IGSF22: variants seen among roughly 807,000 people sequenced by gnomAD.
IGSF22 encodes the protein immunoglobulin superfamily, member 22.
In IGSF22, 119 loss-of-function variants were observed where a neutral mutation model predicts 127.0. That is an observed-to-expected ratio of 0.94 (90% confidence interval 0.81 to 1.09). The LOEUF (loss-of-function observed/expected upper bound fraction) is 1.09, where lower values mean the gene tolerates loss of function less well. Ranked by LOEUF, IGSF22 falls within the 50% of genes least tolerant of loss-of-function variation. The pLI is 0.00. For synonymous variants in IGSF22, 568 were observed against 664.7 expected (o/e 0.85, Z 2.24); for missense variants, 1,518 against 1,716.6 (o/e 0.88, Z 2.04).
Position 18,709,124 on chromosome 11 carries a change from A to C in IGSF22, c.2998+263T>G, listed in dbSNP as rs1848301970. On this transcript the variant is annotated intron_variant, in intron 18 of 22. Coordinates refer to ENST00000513874, the MANE Select transcript of IGSF22 (RefSeq NM_173588.4). The surrounding 1 kb of genome is among the most constrained non-coding windows in gnomAD (Gnocchi z 4.8). ...TTGTTGCAATGCTGTGGTCTCAGTG[A>C]ACTGGTTTTGCGTGTACAATGCGCA... Among the ~76,000 whole-genome samples, 2 of 152,160 alleles carry C rather than the reference A, an allele frequency of 1.3e-5. No individual in the cohort carries two copies. The highest frequency in any genetic ancestry group is 2.9e-5 in the Non-Finnish European group (2 of 68,032).
rs772099749 is a variant in IGSF22 at position 18,718,093 on chromosome 11, C to T, written c.811G>A (p.Gly271Ser). The change falls in exon 9 of 23, where the codon GGT (glycine) becomes AGT (serine). Residue 271 changes from glycine to serine, a missense_variant and splice_region_variant. Gly to Ser is a moderately conservative substitution (Grantham distance 56). Transcript: ENST00000513874. ...DPNVKMIWIK[G>S]TEPLRIQYSL... ...TACTGGATCCTCAGTGGCTCAGTAC[C>T]CTGCCTCATGGAACAGGTAGGAAAG... 10 of 1,613,150 alleles carry T rather than the reference C, an allele frequency of 6.2e-6. No homozygotes were observed. Among genetic ancestry groups the T allele is most frequent in the Non-Finnish European group, 6.8e-6 (8 of 1,179,480 alleles).
At chr11:18,713,154 T>C (rs1848388686) in intron 14 of IGSF22, among the ~76,000 whole-genome samples, 1 of 144,340 alleles carries the variant, frequency 6.9e-6, no homozygotes, top group Non-Finnish European at 1.5e-5. Flanking sequence ...GTTGTTTCTT[T>C]TTTTTTTTTT....
Position 18,707,512 on chromosome 11 carries a change from C to T in IGSF22, c.3280+292G>A, listed in dbSNP as rs1590435245. The T allele has an allele frequency of 5.7e-6, 3 of 524,022 alleles. No individual in the cohort carries two copies. In the East Asian group the frequency reaches 9.0e-5, roughly 16 times the overall value. The allele number at this position is 524,022 out of a possible 1,614,324, so 32.5% of individuals were successfully genotyped here. A position where few individuals can be genotyped will look rare whatever the true frequency, so the allele number is the denominator to read the frequency against. ...AGTTACTGTTCAGTAAAAATGAATC[C>T]ATTCCTTCCTTGGGGGTTTAGAGCT... On this transcript the variant is annotated intron_variant, in intron 20 of 22. Coordinates refer to ENST00000513874, the MANE Select transcript of IGSF22 (RefSeq NM_173588.4).
At chr11:18,711,908 T>C (rs931885011) in intron 15 of IGSF22, among the ~76,000 whole-genome samples, 174 bp downstream of exon 15, 4 of 152,216 alleles carry the variant, frequency 2.6e-5, no homozygotes, top group African/African-American at 9.6e-5. Context: ...CTGGACAACG[T>C]TGACAATTCC....
intron 20 of IGSF22, among the ~76,000 whole-genome samples, 192 bp downstream of exon 20, chr11:18,707,612 G>T (rs1007011434): frequency 2.6e-5 from 4 of 152,072 alleles, no homozygotes; most frequent in Non-Finnish European, 4.4e-5. Context: ...TGTCCCTCCT[G>T]CCCCTCCACC....
Position 18,713,961 on chromosome 11 carries a change from C to G in IGSF22, c.1986G>C (p.Gln662His), listed in dbSNP as rs145425444. Residue 662 changes from glutamine to histidine, a missense_variant, in exon 14 of 23, where the codon CAG becomes CAC. Gln to His is a conservative substitution (Grantham distance 24). Coordinates refer to ENST00000513874, the MANE Select transcript of IGSF22 (RefSeq NM_173588.4). ...ERVSMERGED[Q>H]ALLTISNCVR... ...CACAGTTGGAGATGGTGAGCAGTGC[C>G]TGGTCTTCCCCGCGCTCCATGGACA... 148 of 1,614,256 alleles carry G rather than the reference C, an allele frequency of 9.2e-5. No individual in the cohort carries two copies. In the East Asian group the frequency reaches 3.3e-3, roughly 36 times the overall value.
At chr11:18,712,405 C>T (rs1564870671) in intron 14 of IGSF22, 21 bp from the exon 15 acceptor site, 3 of 1,534,534 alleles carry the variant, frequency 2.0e-6, no homozygotes, top group Middle Eastern at 1.7e-4. Context: ...AGAACAGCTT[C>T]AGAATGGGGC....
In IGSF22 at chr11:18,716,313, C is replaced by G. The variant is rs539401086; in HGVS notation, c.1246+415G>C. ...TGATGATTCCATGTGATATAGATTC[C>G]AGGTGCGGTTCAGATGTGTGACATG... On this transcript the variant is annotated intron_variant, in intron 10 of 22. Coordinates refer to ENST00000513874, the MANE Select transcript of IGSF22 (RefSeq NM_173588.4). The surrounding 1 kb of genome is among the most constrained non-coding windows in gnomAD (Gnocchi z 4.5). 2.0e-5 allele frequency among the ~76,000 whole-genome samples: 3 copies of G among 152,262 alleles called. No homozygotes were observed. In the South Asian group the frequency reaches 6.2e-4, roughly 32 times the overall value.
In IGSF22 at chr11:18,715,329, C is replaced by T. The variant is rs1848441434; in HGVS notation, c.1531+103G>A. ...GGAGACACAAGTTGGTCATGGTCTA[C>T]AGGAGGGTTGGAGTTAGTGGGAGGG... On this transcript the variant is annotated intron_variant, in intron 11 of 22. Coordinates refer to ENST00000513874, the MANE Select transcript of IGSF22 (RefSeq NM_173588.4). 26 of 1,216,318 alleles carry T rather than the reference C, an allele frequency of 2.1e-5. No homozygotes were observed. In the Admixed American group the frequency reaches 3.6e-4, roughly 17 times the overall value. The allele number at this position is 1,216,318 out of a possible 1,614,324, so 75.3% of individuals were successfully genotyped here.
Position 18,724,268 on chromosome 11 carries a change from G to C in IGSF22, c.-32C>G, listed in dbSNP as rs915350363. ...AGCAGGCGTGGGCACTCACCTGTGA[G>C]ACTGGGGAAGAGGATGAGGCCATGA... On this transcript the variant is annotated splice_region_variant and 5_prime_UTR_variant, in exon 2 of 23. Transcript: ENST00000513874. 6.7e-7 allele frequency: 1 copy of C among 1,502,686 alleles called. No homozygotes were observed. 93.1% of individuals were successfully genotyped at this position (1,502,686 alleles called of 1,614,324 possible). A position where few individuals can be genotyped will look rare whatever the true frequency, so the allele number is the denominator to read the frequency against.
chr11:18,715,558 C>T lies in IGSF22; in HGVS notation c.1405G>A (p.Glu469Lys), dbSNP rs760228826. Residue 469 changes from glutamate (E) to lysine (K), a missense_variant, in exon 11 of 23, where the codon GAG (glutamate) becomes AAG (lysine). By Grantham distance (56) the Glu-to-Lys change is moderately conservative. Coordinates refer to ENST00000513874, the MANE Select transcript of IGSF22 (RefSeq NM_173588.4). ...MHGTKYSMNHEGKRAELIIED... is the reference protein window; with the variant it reads ...MHGTKYSMNHKGKRAELIIED... Reference sequence around the variant, plus strand: ...ATGATCAGCTCTGCTCGCTTGCCCTCATGGTTCATGCTGTACTTAGTGCCA... The same window carrying T: ...ATGATCAGCTCTGCTCGCTTGCCCTTATGGTTCATGCTGTACTTAGTGCCA... 5 of 1,614,088 alleles carry T rather than the reference C, an allele frequency of 3.1e-6. No homozygotes were observed. The highest frequency in any genetic ancestry group is 4.2e-6 in the Non-Finnish European group (5 of 1,180,004).
chr11:18,718,560 G>A, intron 8 of IGSF22, 55 bp downstream of exon 8: 1 of 948,440 alleles, frequency 1.1e-6, no homozygotes, highest in South Asian at 1.3e-5. Flanking sequence ...AGTGAGAGAA[G>A]GGGGTAGAGA....
intron 18 of IGSF22, among the ~76,000 whole-genome samples, chr11:18,708,847 T>G (rs1848296894): frequency 6.6e-6 from 1 of 152,188 alleles, no homozygotes; most frequent in South Asian, 2.1e-4. Flanking sequence ...ATCACAAGAT[T>G]TGCAACTCCC....
Position 18,710,658 on chromosome 11 carries a change from G to A in IGSF22, c.2569C>T (p.Gln857Ter), listed in dbSNP as rs1340184868. ...LWVPVNKDPIQGTKCTVDGLL... is the reference protein window; with the variant it reads ...LWVPVNKDPI ...GCCTCTGTTCCAAGGACCTCACCCT[G>A]GATGGGGTCCTTGTTGACTGGCACC... is the stretch of plus-strand genomic sequence containing the variant. The change falls in exon 16 of 23, where the codon CAG (glutamine) becomes TAG (stop). Residue 857 changes from glutamine (Q) to a stop codon, truncating the protein, a stop_gained. Transcript: ENST00000513874. LOFTEE classifies it high-confidence loss of function. 6.2e-7 allele frequency: 1 copy of A among 1,611,694 alleles called. No individual in the cohort carries two copies. The highest frequency in any genetic ancestry group is 1.3e-5 in the African/African-American group (1 of 74,876).
chr11:18,718,681 G>A lies in IGSF22; in HGVS notation c.744C>T (p.Asp248=). 14 of 1,613,526 alleles carry A rather than the reference G, an allele frequency of 8.7e-6. No individual in the cohort carries two copies. Among genetic ancestry groups the A allele is most frequent in the Non-Finnish European group, 1.1e-5 (13 of 1,179,488 alleles). The change falls in exon 8 of 23, where the codon GAC becomes GAT. Residue 248 remains aspartate, a synonymous_variant. Coordinates refer to ENST00000513874, the MANE Select transcript of IGSF22 (RefSeq NM_173588.4). ...KPLEDKETKV[D]TTVVFDCIME... ...TTATGCAGTCAAAGACCACTGTGGT[G>A]TCAACCTTGGTCTCTTTGTCTTCCA...
rs558953135 is a variant in IGSF22 at position 18,715,759 on chromosome 11, A to G, written c.1247-43T>C. ...CTTGGGCCTGCTCCCAAACCACGACATCTTTTTTCTGCAGCTATAGAGCCA... is the reference window on the plus strand; with the variant it reads ...CTTGGGCCTGCTCCCAAACCACGACGTCTTTTTTCTGCAGCTATAGAGCCA... On this transcript the variant is annotated intron_variant, in intron 10 of 22. Coordinates refer to ENST00000513874, the MANE Select transcript of IGSF22 (RefSeq NM_173588.4). The G allele has an allele frequency of 2.3e-5, 36 of 1,572,900 alleles. No individual in the cohort carries two copies. The African/African-American group carries it at 4.8e-4, about 21-fold the overall frequency.
intron 21 of IGSF22, chr11:18,706,700 C>G (rs1012816556): frequency 3.8e-5 from 19 of 503,134 alleles, no homozygotes; most frequent in Non-Finnish European, 6.6e-5. Flanking sequence ...CTCTCTGCCC[C>G]CAAAGGTACC....
Position 18,716,777 on chromosome 11 carries a change from G to T in IGSF22, c.1197C>A (p.Phe399Leu). The T allele has an allele frequency of 6.2e-7, 1 of 1,614,202 alleles. No homozygotes were observed. Among genetic ancestry groups the T allele is most frequent in the Non-Finnish European group, 8.5e-7 (1 of 1,180,040 alleles). ...GTACCAGGTTCCCCGCCTCAGCAGA[G>T]AACTCGCCGCTGTCACTGAGTCTGG... ...KDARLSDSGEFSAEAGNLVQK... is the reference protein window; with the variant it reads ...KDARLSDSGELSAEAGNLVQK... Residue 399 changes from phenylalanine (F) to leucine (L), a missense_variant, in exon 10 of 23, where the codon TTC becomes TTA. Coordinates refer to ENST00000513874, the MANE Select transcript of IGSF22 (RefSeq NM_173588.4). The surrounding 1 kb of genome is among the most constrained non-coding windows in gnomAD (Gnocchi z 4.5).
chr11:18,710,221 A>C, intron 17 of IGSF22, 106 bp downstream of exon 17: 3 of 1,436,010 alleles, frequency 2.1e-6, no homozygotes, highest in Non-Finnish European at 2.9e-6. Context: ...TCCAGAGTGT[A>C]GAGACTGTGA....
Sources: allele counts gnomAD v4.1 joint callset (sites outside exome capture counted in the v4.1 genomes callset), GRCh38; gene constraint gnomAD v4.1.1; non-coding constraint Gnocchi (gnomAD v3.1); transcripts MANE v1.5; gene names NCBI Gene and HGNC (gene_info 2026-07-23, HGNC 2026-07-21).